The following HELZ variants were observed in gnomAD, a reference collection of about 807,000 sequenced individuals.
HELZ encodes the protein helicase with zinc finger.
Under a neutral mutation model 218.2 loss-of-function variants are expected in HELZ, and 23 were observed. The ratio of observed to expected loss-of-function variants is 0.11; its 90% CI spans 0.08 to 0.15. HELZ has a LOEUF of 0.15. Ranked by LOEUF, HELZ falls within the 10% of genes least tolerant of loss-of-function variation. The pLI, the probability that HELZ is intolerant of heterozygous loss-of-function variation, is 1.00. For missense variants in HELZ, 1,813 were observed against 2,353.7 expected, an observed-to-expected ratio of 0.77 and a Z score of 4.75; for synonymous variants, 814 against 829.4, an observed-to-expected ratio of 0.98 and a Z score of 0.32.
chr17:67,245,534 CCGCGG>C (rs942737547), upstream of HELZ: 1 of 984,288 alleles, frequency 1.0e-6, no homozygotes, highest in Non-Finnish European at 1.2e-6. Context: ...TCCTTGCCGC[CCGCGG>C]CGCGGCGCGG....
intron 5 of HELZ, among the ~76,000 whole-genome samples, chr17:67,208,325 G>T (rs549639021): frequency 6.6e-6 from 1 of 152,142 alleles, no homozygotes; most frequent in African/African-American, 2.4e-5. Context: ...GAGCAGTTCT[G>T]TATCTTAATT....
In HELZ at chr17:67,075,542, C is replaced by G. The variant is rs1343977378; in HGVS notation, c.*2710G>C. ...CTTGCTACTACTACTCAAGTAATACCCAAAGAACATCAGCTGTACTCAGAA... is the reference window on the plus strand; with the variant it reads ...CTTGCTACTACTACTCAAGTAATACGCAAAGAACATCAGCTGTACTCAGAA... On this transcript the variant is annotated 3_prime_UTR_variant, in exon 33 of 33. Coordinates refer to ENST00000358691, the MANE Select transcript of HELZ (RefSeq NM_014877.4). The G allele has an allele frequency of 6.6e-6, 1 of 151,992 alleles. No individual in the cohort carries two copies. Among genetic ancestry groups the G allele is most frequent in the Non-Finnish European group, 1.5e-5 (1 of 67,980 alleles). 9.4% of individuals were successfully genotyped at this position (151,992 alleles called of 1,614,324 possible). A position where few individuals can be genotyped will look rare whatever the true frequency, so the allele number is the denominator to read the frequency against.
At chr17:67,086,116 C>A (rs1452497160) in intron 32 of HELZ, among the ~76,000 whole-genome samples, 1 of 152,138 alleles carries the variant, frequency 6.6e-6, no homozygotes, top group African/African-American at 2.4e-5. Flanking sequence ...CTAACCAGCT[C>A]CCACTCACCC....
At chr17:67,190,988 G>GT (rs2039879994) in intron 9 of HELZ, among the ~76,000 whole-genome samples, 1 of 152,164 alleles carries the variant, frequency 6.6e-6, no homozygotes, top group Admixed American at 6.5e-5. Context: ...GATTATAGGC[G>GT]TGAGCCACCA....
intron 15 of HELZ, among the ~76,000 whole-genome samples, chr17:67,163,473 A>G (rs2039048716): frequency 6.6e-6 from 1 of 151,708 alleles, no homozygotes; most frequent in African/African-American, 2.4e-5. Flanking sequence ...ATCTCGGTTC[A>G]CTGCAAGCTC....
At chr17:67,110,657 C>A (rs887815780) in intron 28 of HELZ, among the ~76,000 whole-genome samples, 1 of 152,178 alleles carries the variant, frequency 6.6e-6, no homozygotes, top group African/African-American at 2.4e-5. Flanking sequence ...CATGCCCCCA[C>A]TCCAATGCCA....
At position 67,108,173 on chromosome 17, in the gene HELZ, T is replaced by C. The variant is rs77859218; in HGVS notation, c.4724+319A>G. On this transcript the variant is annotated intron_variant, in intron 30 of 32. Transcript: ENST00000358691. This position sits in a 1 kb window ranked among gnomAD's most constrained non-coding sequence, Gnocchi z 4.1. ...ATTTACTCCTGTCTTTATTCATTCT[T>C]TGCAAGTATTACTACTAAATAAAAA... Among the ~76,000 whole-genome samples the C allele has an allele frequency of 8.9e-3, 1,350 of 152,356 alleles. 22 individuals are homozygous for C. Among genetic ancestry groups the C allele is most frequent in the African/African-American group, 0.029 (1,221 of 41,578 alleles).
chr17:67,230,441 C>T (rs1319019824), intron 3 of HELZ, among the ~76,000 whole-genome samples: 1 of 151,798 alleles, frequency 6.6e-6, no homozygotes, highest in Non-Finnish European at 1.5e-5. Flanking sequence ...ACTAAAAACA[C>T]AAAAAATTAG....
intron 23 of HELZ, among the ~76,000 whole-genome samples, chr17:67,133,679 T>C (rs2038057790): frequency 6.6e-6 from 1 of 152,076 alleles, no homozygotes; most frequent in Non-Finnish European, 1.5e-5. Context: ...CACACGCAGC[T>C]AAAGTTTGTA....
At chr17:67,165,409 T>A (rs1225125282) in intron 15 of HELZ, among the ~76,000 whole-genome samples, 2 of 152,162 alleles carry the variant, frequency 1.3e-5, no homozygotes, top group East Asian at 3.9e-4. Context: ...ACTCTTCCCC[T>A]GTCGGCCAGC....
At chr17:67,110,408 A>T (rs900595614) in intron 28 of HELZ, among the ~76,000 whole-genome samples, 3 of 152,088 alleles carry the variant, frequency 2.0e-5, no homozygotes, top group African/African-American at 7.2e-5. Context: ...ATTTCCTCAA[A>T]AATATCTATG....
intron 5 of HELZ, 164 bp downstream of exon 5, chr17:67,215,735 G>A (rs1402931439): frequency 1.5e-6 from 1 of 655,366 alleles, no homozygotes; most frequent in South Asian, 1.7e-5. Flanking sequence ...ATGTTCACAG[G>A]TATGCCCAGC....
chr17:67,130,934 G>C (rs1189715020), intron 23 of HELZ, among the ~76,000 whole-genome samples: 1 of 152,142 alleles, frequency 6.6e-6, no homozygotes, highest in Non-Finnish European at 1.5e-5. Context: ...CAGAGTGAAG[G>C]GCAGGAGGGC....
intron 7 of HELZ, among the ~76,000 whole-genome samples, chr17:67,199,767 C>A (rs935033960): frequency 2.0e-5 from 3 of 152,144 alleles, no homozygotes; most frequent in Admixed American, 2.0e-4. Flanking sequence ...GGATACATTA[C>A]TACATTTGGA....
At chr17:67,210,942 T>C (rs780855362) in intron 5 of HELZ, among the ~76,000 whole-genome samples, 2 of 152,148 alleles carry the variant, frequency 1.3e-5, no homozygotes, top group Non-Finnish European at 2.9e-5. Flanking sequence ...TCCTATATAA[T>C]GACTATTCGA....
intron 7 of HELZ, among the ~76,000 whole-genome samples, chr17:67,196,600 G>A (rs2040036662): frequency 6.6e-6 from 1 of 151,226 alleles, no homozygotes; most frequent in East Asian, 1.9e-4. Context: ...ATGGATGGAT[G>A]GATGGGTGCA....
chr17:67,188,657 GAAA>G lies in HELZ; in HGVS notation c.865-44_865-42del, dbSNP rs1277951519. On this transcript the variant is annotated intron_variant, in intron 11 of 32. Coordinates refer to ENST00000358691, the MANE Select transcript of HELZ (RefSeq NM_014877.4). This position sits in a 1 kb window ranked among gnomAD's most constrained non-coding sequence, Gnocchi z 4.1. ...AATAATTCATTGAGTACAAGGGGGTGAAAAATCCAATTGTAATTGGGCTCTTCA... is the reference window on the plus strand; with the variant it reads ...AATAATTCATTGAGTACAAGGGGGTGAATCCAATTGTAATTGGGCTCTTCA... The G allele has an allele frequency of 6.6e-7, 1 of 1,508,706 alleles. No individual in the cohort carries two copies. The highest frequency in any genetic ancestry group is 1.9e-5 in the Admixed American group (1 of 53,000). 93.5% of individuals were successfully genotyped at this position (1,508,706 alleles called of 1,614,324 possible).
chr17:67,168,440 T>A (rs1338513273), intron 13 of HELZ, among the ~76,000 whole-genome samples: 1 of 152,196 alleles, frequency 6.6e-6, no homozygotes, highest in Admixed American at 6.5e-5. Context: ...CTAATTAATA[T>A]AAAAGTCTGA....
chr17:67,236,070 A>G (rs1166432591), intron 3 of HELZ, among the ~76,000 whole-genome samples: 1 of 151,936 alleles, frequency 6.6e-6, no homozygotes, highest in African/African-American at 2.4e-5. Context: ...TCGACCACAC[A>G]CTCTTGTGAA....
Sources: gnomAD v4.1 joint callset for allele counts (sites outside exome capture counted in the v4.1 genomes callset) on GRCh38, gnomAD v4.1.1 for gene constraint, Gnocchi (gnomAD v3.1) non-coding constraint, MANE v1.5 for transcripts, NCBI Gene and HGNC (gene_info 2026-07-23, HGNC 2026-07-21) for gene names.